CSMD1: variants seen among roughly 807,000 people sequenced by gnomAD.
The protein encoded by CSMD1 is CUB and sushi domain-containing protein 1.
A neutral mutation model predicts 417.5 loss-of-function variants in CSMD1; 213 were observed. The observed-to-expected ratio is 0.51, with a 90% CI of 0.46 to 0.57. The LOEUF (loss-of-function observed/expected upper bound fraction) is 0.57, where lower values mean the gene tolerates loss of function less well. Among genes scored for constraint, CSMD1 ranks in the 20% least tolerant of loss-of-function variants. CSMD1 has a pLI of 0.00. For synonymous variants in CSMD1, 2,862 were observed against 1,736.8 expected (o/e 1.65, Z -16.11); for missense variants, 6,923 against 4,529.7 (o/e 1.53, Z -15.17).
At chr8:3,239,859 T>G (rs1311509289) in intron 26 of CSMD1, among the ~76,000 whole-genome samples, 1 of 151,940 alleles carries the variant, frequency 6.6e-6, no homozygotes, top group Non-Finnish European at 1.5e-5. Flanking sequence ...AGGGGTCAGG[T>G]GTGGTATCCA....
chr8:3,841,940 A>T (rs759738306), intron 5 of CSMD1, among the ~76,000 whole-genome samples: 5 of 152,080 alleles, frequency 3.3e-5, no homozygotes, highest in African/African-American at 1.2e-4. Context: ...ATCCTCCAAA[A>T]AGAAAAGGAA....
chr8:3,086,944 G>C (rs561283662), intron 49 of CSMD1, among the ~76,000 whole-genome samples, 153 bp downstream of exon 49: 6 of 152,264 alleles, frequency 3.9e-5, no homozygotes, highest in African/African-American at 1.2e-4. Flanking sequence ...AGTTTGCATG[G>C]CCACTAGAAG....
At chr8:3,358,078 G>A (rs1447591345) in intron 21 of CSMD1, among the ~76,000 whole-genome samples, 4 of 152,116 alleles carry the variant, frequency 2.6e-5, no homozygotes, top group Non-Finnish European at 5.9e-5. Flanking sequence ...CTGCACCATG[G>A]TAAAATAAAA....
chr8:3,699,462 GCCACGGAGGAAGTCCTTTA>G, intron 7 of CSMD1, among the ~76,000 whole-genome samples: 1 of 152,300 alleles, frequency 6.6e-6, no homozygotes, highest in South Asian at 2.1e-4. Flanking sequence ...AGACATTTCA[GCCACGGAGGAAGTCCTTTA>G]AAGAGGACTT....
chr8:3,783,953 T>C, intron 5 of CSMD1, among the ~76,000 whole-genome samples: 1 of 152,194 alleles, frequency 6.6e-6, no homozygotes. Context: ...ATTTACCTAT[T>C]ACCTGCCCTT....
In CSMD1 at chr8:3,901,003, C is replaced by A. The variant is rs375850836; in HGVS notation, c.818+96900G>T. On this transcript the variant is annotated intron_variant, in intron 5 of 69. Transcript: ENST00000635120. ...ATGATTTTTCATTATTGCTAGCTGT[C>A]ATAGTGTTATCATTATTGACATTAC... Among the ~76,000 whole-genome samples, 6 of 152,276 alleles carry A rather than the reference C, an allele frequency of 3.9e-5. No homozygotes were observed. The East Asian group carries it at 5.8e-4, about 15-fold the overall frequency.
intron 1 of CSMD1, among the ~76,000 whole-genome samples, chr8:4,722,679 G>T (rs1391393224): frequency 3.9e-5 from 6 of 151,916 alleles, no homozygotes; most frequent in Admixed American, 3.9e-4. Flanking sequence ...GAAAAAAAAA[G>T]TTTCTAATTT....
chr8:4,718,529 G>C (rs1385794018), intron 1 of CSMD1, among the ~76,000 whole-genome samples: 2 of 151,802 alleles, frequency 1.3e-5, no homozygotes, highest in Non-Finnish European at 2.9e-5. Context: ...TTTACATTAA[G>C]TACTAGCTAA....
At position 4,093,965 on chromosome 8, in the gene CSMD1, A is replaced by AATAGATAGATACATAG. The variant is rs1554445798; in HGVS notation, c.416-61867_416-61866insCTATGTATCTATCTAT. On this transcript the variant is annotated intron_variant, in intron 3 of 69. Coordinates refer to ENST00000635120, the MANE Select transcript of CSMD1 (RefSeq NM_033225.6). ...AAAGAGTGACTGAGACTACATCTCA[A>AATAGATAGATACATAG]ATAGATAGATAGATAGATAGATAGA... Among the ~76,000 whole-genome samples the AATAGATAGATACATAG allele has an allele frequency of 2.4e-3, 324 of 136,954 alleles. 1 individual carries two copies. Among genetic ancestry groups the AATAGATAGATACATAG allele is most frequent in the Admixed American group, 4.2e-3 (55 of 13,068 alleles). 89.8% of individuals were successfully genotyped at this position (136,954 alleles called of 152,430 possible). A position where few individuals can be genotyped will look rare whatever the true frequency, so the allele number is the denominator to read the frequency against.
At chr8:4,239,988 A>T (rs1464682632) in intron 3 of CSMD1, among the ~76,000 whole-genome samples, 1 of 152,242 alleles carries the variant, frequency 6.6e-6, no homozygotes, top group Non-Finnish European at 1.5e-5. Flanking sequence ...GATTTCTTAA[A>T]AATACATAAG....
At chr8:3,807,965 A>C (rs911935546) in intron 5 of CSMD1, among the ~76,000 whole-genome samples, 7 of 152,206 alleles carry the variant, frequency 4.6e-5, no homozygotes, top group Non-Finnish European at 4.4e-5. Context: ...TTGTCAAACA[A>C]GACATGCAGC....
chr8:3,399,005 A>G (rs1458291873), intron 16 of CSMD1, among the ~76,000 whole-genome samples: 1 of 152,166 alleles, frequency 6.6e-6, no homozygotes, highest in Non-Finnish European at 1.5e-5. Context: ...CACCACCAGA[A>G]CAGGAGAGCT....
At chr8:3,927,199 C>T (rs1217934855) in intron 5 of CSMD1, among the ~76,000 whole-genome samples, 1 of 151,854 alleles carries the variant, frequency 6.6e-6, no homozygotes, top group Non-Finnish European at 1.5e-5. Flanking sequence ...TTATATCTAA[C>T]AGCTTCTAAT....
intron 17 of CSMD1, among the ~76,000 whole-genome samples, chr8:3,388,452 A>C (rs1472919258): frequency 6.6e-6 from 1 of 152,208 alleles, no homozygotes; most frequent in East Asian, 1.9e-4. Flanking sequence ...CGAAGAAATA[A>C]AAAATCCTTG....
intron 3 of CSMD1, among the ~76,000 whole-genome samples, chr8:4,354,811 T>C (rs547354542): frequency 6.6e-6 from 1 of 151,856 alleles, no homozygotes; most frequent in South Asian, 2.1e-4. Context: ...TCAAACTTAG[T>C]ATTATACCTG....
At chr8:3,648,168 A>G (rs1218432504) in intron 7 of CSMD1, among the ~76,000 whole-genome samples, 1 of 152,224 alleles carries the variant, frequency 6.6e-6, no homozygotes, top group African/African-American at 2.4e-5. Context: ...CTTCTCTACC[A>G]TATCTTAAAA....
intron 5 of CSMD1, among the ~76,000 whole-genome samples, chr8:3,803,876 T>G (rs1297292344): frequency 6.6e-6 from 1 of 152,100 alleles, no homozygotes; most frequent in African/African-American, 2.4e-5. Flanking sequence ...GGAGAGGAAT[T>G]TGACTTGAGT....
intron 27 of CSMD1, among the ~76,000 whole-genome samples, chr8:3,229,181 T>A (rs1404245891): frequency 6.6e-6 from 1 of 152,184 alleles, no homozygotes; most frequent in African/African-American, 2.4e-5. Context: ...AAGGTCATCC[T>A]ATGCAAAATG....
chr8:3,424,884 G>C (rs1402316348), intron 12 of CSMD1, among the ~76,000 whole-genome samples: 1 of 152,108 alleles, frequency 6.6e-6, no homozygotes, highest in African/African-American at 2.4e-5. Context: ...CTGTTTTCCA[G>C]GCTGGGAGCC....
Sources: allele counts gnomAD v4.1 joint callset (sites outside exome capture counted in the v4.1 genomes callset), GRCh38; gene constraint gnomAD v4.1.1; transcripts MANE v1.5; gene names NCBI Gene and HGNC (gene_info 2026-07-23, HGNC 2026-07-21).